Variants in RBFOX1 observed in about 807,000 individuals in gnomAD.
RBFOX1 encodes the protein RNA binding fox-1 homolog 1.
Under a neutral mutation model 57.7 loss-of-function variants are expected in RBFOX1, and 8 were observed. The observed-to-expected ratio is 0.14, with a 90% CI of 0.08 to 0.25. The LOEUF (loss-of-function observed/expected upper bound fraction) is 0.25. Ranked by LOEUF, RBFOX1 falls within the 10% of genes least tolerant of loss-of-function variation. The probability of loss-of-function intolerance (pLI) is 1.00; values close to 1 mark genes in which losing one functional copy is unlikely to be tolerated. For missense variants in RBFOX1, 611 were observed against 548.5 expected (o/e 1.11, Z -1.14); for synonymous variants, 326 against 222.4 (o/e 1.47, Z -4.15).
At chr16:6,927,738 T>G (rs546080531) in intron 3 of RBFOX1, among the ~76,000 whole-genome samples, 1 of 151,992 alleles carries the variant, frequency 6.6e-6, no homozygotes, top group Non-Finnish European at 1.5e-5. Context: ...CAGTGCCCTA[T>G]GTAAGGCCTG....
chr16:5,928,651 C>T (rs533480242), intron 4 of RBFOX1, among the ~76,000 whole-genome samples: 6 of 151,276 alleles, frequency 4.0e-5, no homozygotes, highest in Admixed American at 2.6e-4. Context: ...ACACCAGAGC[C>T]GATGCTGACC....
Position 6,163,702 on chromosome 16 carries a change from A to G in RBFOX1, c.-127+143710A>G, listed in dbSNP as rs372377954. Among the ~76,000 whole-genome samples, 23 of 152,314 alleles carry G rather than the reference A, an allele frequency of 1.5e-4. No homozygotes were observed. In the East Asian group the frequency reaches 4.0e-3, roughly 27 times the overall value. On this transcript the variant is annotated intron_variant, in intron 1 of 15. Coordinates refer to ENST00000550418, the MANE Select transcript of RBFOX1 (RefSeq NM_018723.4). ...GTTTCCGCAGATCATATTTTTAAAT[A>G]AATTGTAAAACCAGTGATTTGTAAA...
chr16:6,553,170 C>G (rs939875656), intron 2 of RBFOX1, among the ~76,000 whole-genome samples: 4 of 152,150 alleles, frequency 2.6e-5, no homozygotes, highest in African/African-American at 9.7e-5. Context: ...AGGATTTTAT[C>G]TGTCTGAATA....
intron 1 of RBFOX1, among the ~76,000 whole-genome samples, chr16:5,450,626 C>T (rs945015205): frequency 6.6e-6 from 1 of 152,120 alleles, no homozygotes; most frequent in South Asian, 2.1e-4. Flanking sequence ...ACAGGGGGAT[C>T]TCAGTGCCAA....
intron 3 of RBFOX1, among the ~76,000 whole-genome samples, chr16:5,688,808 G>A (rs2050581285): frequency 1.3e-5 from 2 of 152,224 alleles, no homozygotes; most frequent in Non-Finnish European, 2.9e-5. Flanking sequence ...GTGGAATGGA[G>A]CCTCTAGGTC....
At chr16:7,449,287 G>A (rs1028164983) in intron 4 of RBFOX1, among the ~76,000 whole-genome samples, 2 of 152,214 alleles carry the variant, frequency 1.3e-5, no homozygotes, top group South Asian at 2.1e-4. Context: ...TTAAAATAAT[G>A]TCTCATTACA....
chr16:7,219,071 T>C (rs2092510917), intron 4 of RBFOX1, among the ~76,000 whole-genome samples: 1 of 152,116 alleles, frequency 6.6e-6, no homozygotes, highest in Non-Finnish European at 1.5e-5. Context: ...GAATGTGGAG[T>C]TGGCCACCAG....
intron 4 of RBFOX1, among the ~76,000 whole-genome samples, chr16:5,934,631 A>G (rs2059132024): frequency 6.6e-6 from 1 of 152,202 alleles, no homozygotes; most frequent in African/African-American, 2.4e-5. Flanking sequence ...AATGATAAAT[A>G]TTTGAGATGA....
chr16:6,690,006 G>T (rs1231909287), intron 3 of RBFOX1, among the ~76,000 whole-genome samples: 3 of 152,198 alleles, frequency 2.0e-5, no homozygotes, highest in African/African-American at 7.2e-5. Flanking sequence ...GGGTATTGAT[G>T]ATAAACAAGT....
chr16:6,523,303 A>C (rs571971865), intron 2 of RBFOX1, among the ~76,000 whole-genome samples: 1 of 152,112 alleles, frequency 6.6e-6, no homozygotes, highest in Non-Finnish European at 1.5e-5. Flanking sequence ...ACTGGCAATA[A>C]GTTGATAAAG....
intron 13 of RBFOX1, chr16:7,671,504 T>TTTTA: frequency 2.0e-6 from 3 of 1,487,034 alleles, no homozygotes; most frequent in Non-Finnish European, 2.8e-6. Context: ...ATGCATTCTC[T>TTTTA]TTTATTTATT....
chr16:7,210,572 G>A (rs72636226), intron 4 of RBFOX1, among the ~76,000 whole-genome samples: 28,043 of 152,078 alleles, frequency 0.18, 2,808 homozygotes, highest in East Asian at 0.37. Context: ...ATTCTAACCA[G>A]GTTGACACTT....
chr16:5,978,696 G>GT (rs1394477378), intron 4 of RBFOX1, among the ~76,000 whole-genome samples: 8 of 147,538 alleles, frequency 5.4e-5, no homozygotes, highest in East Asian at 2.0e-4. Flanking sequence ...TTTTGTTGTT[G>GT]TTGTTTTTTT....
At chr16:6,167,281 C>T (rs74006913) in intron 1 of RBFOX1, among the ~76,000 whole-genome samples, 155 of 152,284 alleles carry the variant, frequency 1.0e-3, no homozygotes, top group African/African-American at 3.5e-3. Context: ...TCTTACCTTT[C>T]CAAATTGCAC....
chr16:7,317,877 C>T (rs558666233), intron 4 of RBFOX1, among the ~76,000 whole-genome samples: 11 of 152,230 alleles, frequency 7.2e-5, no homozygotes, highest in East Asian at 5.8e-4. Flanking sequence ...GAGTATGGCA[C>T]GAGCTAGTTT....
intron 4 of RBFOX1, among the ~76,000 whole-genome samples, chr16:7,170,447 CT>C (rs113019544): frequency 6.7e-5 from 10 of 150,074 alleles, no homozygotes; most frequent in Admixed American, 2.0e-4. Flanking sequence ...AATTAAAATT[CT>C]TTTTTTTTTC....
chr16:7,493,149 G>A (rs766128204), intron 4 of RBFOX1, among the ~76,000 whole-genome samples: 2 of 152,222 alleles, frequency 1.3e-5, no homozygotes, highest in Non-Finnish European at 2.9e-5. Flanking sequence ...AAAGTGCTGG[G>A]ATTACAGGCG....
intron 2 of RBFOX1, among the ~76,000 whole-genome samples, chr16:6,544,460 A>G (rs568710659): frequency 2.0e-5 from 3 of 152,226 alleles, no homozygotes; most frequent in African/African-American, 7.2e-5. Flanking sequence ...TCTGGGAGGC[A>G]CTGTAATTTC....
intron 1 of RBFOX1, among the ~76,000 whole-genome samples, chr16:6,245,662 C>G (rs1304387614): frequency 6.6e-6 from 1 of 152,162 alleles, no homozygotes; most frequent in African/African-American, 2.4e-5. Flanking sequence ...CTTGATGATT[C>G]TCTTAACAAC....
Sources: gnomAD v4.1 joint callset for allele counts (sites outside exome capture counted in the v4.1 genomes callset) on GRCh38, gnomAD v4.1.1 for gene constraint, MANE v1.5 for transcripts, NCBI Gene and HGNC (gene_info 2026-07-23, HGNC 2026-07-21) for gene names.